Variants in GPHN observed in about 807,000 individuals in gnomAD.
GPHN encodes gephyrin.
GPHN carries 17 observed loss-of-function variants against 95.5 expected under a neutral mutation model. That is an observed-to-expected ratio of 0.18 (90% confidence interval 0.12 to 0.27). The LOEUF is 0.27. GPHN is among the 10% of genes least tolerant of loss of function. The probability of loss-of-function intolerance (pLI) is 1.00; values close to 1 mark genes in which losing one functional copy is unlikely to be tolerated. For missense variants in GPHN, 660 were observed against 978.1 expected, an observed-to-expected ratio of 0.67 and a Z score of 4.34; for synonymous variants, 320 against 322.5, an observed-to-expected ratio of 0.99 and a Z score of 0.08.
At chr14:67,119,659 G>A (rs879263690) in intron 16 of GPHN, among the ~76,000 whole-genome samples, 33 of 152,028 alleles carry the variant, frequency 2.2e-4, no homozygotes, top group Non-Finnish European at 4.0e-4. Context: ...GCGTGGTGGC[G>A]CATGCCTGTA....
At chr14:67,618,459 G>A in the GPHN span, among the ~76,000 whole-genome samples, 1 of 152,026 alleles carries the variant, frequency 6.6e-6, no homozygotes, top group African/African-American at 2.4e-5. Context: ...CTGAAGCCTC[G>A]ACTTCCTGGG....
the GPHN span, chr14:67,578,563 A>G: frequency 6.2e-7 from 1 of 1,611,588 alleles, no homozygotes; most frequent in Non-Finnish European, 8.5e-7. The surrounding 1 kb of genome is among the most constrained non-coding windows in gnomAD (Gnocchi z 5.0). Context: ...TGTGTGCTCC[A>G]CTTTTCCTGC....
chr14:66,533,460 A>C (rs1220392145), intron 1 of GPHN, among the ~76,000 whole-genome samples: 1 of 152,228 alleles, frequency 6.6e-6, no homozygotes, highest in Non-Finnish European at 1.5e-5. Context: ...GCTAAAATAC[A>C]GAATGAAATA....
chr14:66,776,664 T>C, intron 3 of GPHN, 143 bp downstream of exon 3: 2 of 687,530 alleles, frequency 2.9e-6, no homozygotes, highest in Non-Finnish European at 5.3e-6. Context: ...ATTAAAAATT[T>C]ATATGTATCA....
At chr14:67,089,125 C>CTTTTT (rs1264164364) in intron 12 of GPHN, 50 bp downstream of exon 12, 8 of 329,564 alleles carry the variant, frequency 2.4e-5, no homozygotes, top group Non-Finnish European at 4.2e-5. Flanking sequence ...ATTTTTTTTT[C>CTTTTT]TTTTTTTCTT....
chr14:66,925,791 G>A (rs987029851), intron 8 of GPHN, among the ~76,000 whole-genome samples: 1 of 152,126 alleles, frequency 6.6e-6, no homozygotes, highest in Non-Finnish European at 1.5e-5. Flanking sequence ...TGGATCATAC[G>A]TAGTTCTGTC....
the GPHN span, among the ~76,000 whole-genome samples, chr14:67,527,275 C>T: frequency 1.3e-5 from 2 of 152,158 alleles, no homozygotes; most frequent in African/African-American, 2.4e-5. Context: ...CTTCGTGAGC[C>T]TCAGTCTATG....
chr14:66,800,184 A>T (rs550191046), intron 3 of GPHN, among the ~76,000 whole-genome samples: 2 of 152,064 alleles, frequency 1.3e-5, no homozygotes, highest in East Asian at 1.9e-4. Context: ...AGTTTTTATA[A>T]TTATTATTTT....
chr14:66,675,101 A>G (rs749290485), intron 1 of GPHN, among the ~76,000 whole-genome samples: 25 of 144,214 alleles, frequency 1.7e-4, no homozygotes, highest in Non-Finnish European at 2.4e-4. Context: ...TTTGTTGGCT[A>G]TTTGTTTGTC....
the GPHN span, chr14:67,575,409 C>T: frequency 6.2e-7 from 1 of 1,608,114 alleles, no homozygotes; most frequent in African/African-American, 1.3e-5. Context: ...ATGGCCACTC[C>T]AAGGTGGTCT....
the GPHN span, among the ~76,000 whole-genome samples, chr14:67,508,769 A>AAAAAAAAAAAAAAAAAAAC: frequency 1.3e-5 from 2 of 151,002 alleles, no homozygotes; most frequent in Non-Finnish European, 1.5e-5. Flanking sequence ...AAAAAAAAAA[A>AAAAAAAAAAAAAAAAAAAC]AACAGAAGAC....
At chr14:67,594,176 A>G in the GPHN span, among the ~76,000 whole-genome samples, 1 of 152,210 alleles carries the variant, frequency 6.6e-6, no homozygotes, top group Non-Finnish European at 1.5e-5. Flanking sequence ...TTTTTCTTCC[A>G]AAATTCCAAC....
the GPHN span, chr14:67,473,640 A>G: frequency 6.3e-7 from 1 of 1,582,966 alleles, no homozygotes; most frequent in Non-Finnish European, 8.6e-7. The surrounding 1 kb of genome is among the most constrained non-coding windows in gnomAD (Gnocchi z 6.5). Context: ...GAACTGGCGC[A>G]GGATGAAGCC....
the GPHN span, chr14:67,578,513 C>T: frequency 3.3e-5 from 52 of 1,554,386 alleles, no homozygotes; most frequent in South Asian, 4.6e-5. This position sits in a 1 kb window ranked among gnomAD's most constrained non-coding sequence, Gnocchi z 5.0. Context: ...ACTCACCCCA[C>T]GCTGTCTGTG....
the GPHN span, among the ~76,000 whole-genome samples, chr14:67,509,827 C>A: frequency 0.011 from 1,745 of 151,984 alleles, 45 homozygotes; most frequent in African/African-American, 0.041. Flanking sequence ...TGCAACATAG[C>A]GAGTTATAAA....
intron 10 of GPHN, among the ~76,000 whole-genome samples, chr14:67,032,091 C>G (rs559304977): frequency 6.6e-6 from 1 of 152,308 alleles, no homozygotes; most frequent in East Asian, 1.9e-4. Context: ...TGGATAAGAA[C>G]TGTTTTACTT....
At chr14:66,520,806 T>G (rs1023464414) in intron 1 of GPHN, among the ~76,000 whole-genome samples, 1 of 152,046 alleles carries the variant, frequency 6.6e-6, no homozygotes, top group African/African-American at 2.4e-5. Context: ...TTTCATCACC[T>G]AGCTACTAAG....
the GPHN span, chr14:67,729,857 C>A: frequency 2.2e-6 from 1 of 456,954 alleles, no homozygotes; most frequent in Admixed American, 2.4e-5. Context: ...AGTGCTGAAT[C>A]TTATCATGAA....
intron 2 of GPHN, among the ~76,000 whole-genome samples, chr14:66,776,188 A>C (rs1177608734): frequency 1.3e-5 from 2 of 152,198 alleles, no homozygotes; most frequent in Non-Finnish European, 2.9e-5. Context: ...ACGGCAGTAA[A>C]AGTGACAGTT....
Sources: allele counts gnomAD v4.1 joint callset (sites outside exome capture counted in the v4.1 genomes callset), GRCh38; gene constraint gnomAD v4.1.1; non-coding constraint Gnocchi (gnomAD v3.1); transcripts MANE v1.5; gene names NCBI Gene and HGNC (gene_info 2026-07-23, HGNC 2026-07-21).